CKMT2: variants seen among roughly 807,000 people sequenced by gnomAD.
CKMT2 encodes the protein creatine kinase, mitochondrial 2, also known as creatine kinase S-type, mitochondrial.
CKMT2 carries 43 observed loss-of-function variants against 48.9 expected under a neutral mutation model. That is an observed-to-expected ratio of 0.88 (90% CI 0.69 to 1.13). The LOEUF (loss-of-function observed/expected upper bound fraction) is 1.13. Ranked by LOEUF, CKMT2 falls within the 50% of genes most tolerant of loss-of-function variation. The pLI, the probability that CKMT2 is intolerant of heterozygous loss-of-function variation, is 0.00. For missense variants in CKMT2, 472 were observed against 555.4 expected (o/e 0.85, Z 1.51); for synonymous variants, 206 against 213.0 (o/e 0.97, Z 0.29).
chr5:81,245,910 C>A (rs1274946121), intron 1 of CKMT2, among the ~76,000 whole-genome samples: 1 of 152,194 alleles, frequency 6.6e-6, no homozygotes, highest in Non-Finnish European at 1.5e-5. Flanking sequence ...ACCCGCCCAA[C>A]TGTAGACCAG....
At position 81,252,748 on chromosome 5, in the gene CKMT2, C is replaced by T; in HGVS notation, c.206C>T (p.Thr69Ile). ...AACAACTGCATGGCCGAGTGCCTCA[C>T]CCCCGCCATTTATGCCAAGCTTCGC... ...KHNNCMAECL[T>I]PAIYAKLRNK... The change falls in exon 3 of 10, where the codon ACC (threonine) becomes ATC (isoleucine). Residue 69 changes from threonine (T) to isoleucine (I), a missense_variant. Transcript: ENST00000254035. The T allele has an allele frequency of 6.2e-7, 1 of 1,614,226 alleles. No homozygotes were observed. Among genetic ancestry groups the T allele is most frequent in the Non-Finnish European group, 8.5e-7 (1 of 1,180,040 alleles).
chr5:81,254,705 G>T, intron 4 of CKMT2: 1 of 596,514 alleles, frequency 1.7e-6, no homozygotes, highest in Non-Finnish European at 3.0e-6. Flanking sequence ...GGAAGGGTTG[G>T]TCATTGGGAA....
chr5:81,241,164 C>T (rs1227124896), intron 1 of CKMT2, among the ~76,000 whole-genome samples: 1 of 152,134 alleles, frequency 6.6e-6, no homozygotes, highest in Non-Finnish European at 1.5e-5. Flanking sequence ...CGTGGAATTC[C>T]CAGTGATTGT....
chr5:81,242,939 T>G (rs1201667049), intron 1 of CKMT2, among the ~76,000 whole-genome samples: 1 of 152,232 alleles, frequency 6.6e-6, no homozygotes, highest in Non-Finnish European at 1.5e-5. Context: ...CTACAGGGAA[T>G]CAAACATTTT....
chr5:81,263,596 G>C lies in CKMT2; in HGVS notation c.1120G>C (p.Asp374His). 1 of 1,612,190 alleles carries C rather than the reference G, an allele frequency of 6.2e-7. No individual in the cohort carries two copies. Reference sequence around the variant, plus strand: ...AGATGTGTACGACATTTCCAACATAGATAGAATTGGTCGATCAGAGGTAAC... The same window carrying C: ...AGATGTGTACGACATTTCCAACATACATAGAATTGGTCGATCAGAGGTAAC... The part of the protein sequence containing the change: ...VADVYDISNI[D>H]RIGRSEVELV... The change falls in exon 9 of 10, where the codon GAT (aspartate) becomes CAT (histidine). Residue 374 changes from aspartate (D) to histidine (H), a missense_variant. Asp to His is a moderately conservative substitution (Grantham distance 81). Coordinates refer to ENST00000254035, the MANE Select transcript of CKMT2 (RefSeq NM_001099735.2).
rs554233804 is a variant in CKMT2 at position 81,248,355 on chromosome 5, CT to C, written c.-20-2755del. 1.5e-3 allele frequency among the ~76,000 whole-genome samples: 223 copies of C among 152,334 alleles called. 4 individuals carry two copies. The highest frequency in any genetic ancestry group is 3.1e-3 in the South Asian group (15 of 4,822). On this transcript the variant is annotated intron_variant, in intron 1 of 9. Coordinates refer to ENST00000254035, the MANE Select transcript of CKMT2 (RefSeq NM_001099735.2). ...AAGAATCTGGGCAAAGCTTCTTTCA[CT>C]TTAGTGAGTTCTACAGTAAACCTCT...
Position 81,266,132 on chromosome 5 carries a change from GT to G in CKMT2, c.1141-6del. 2 of 1,611,468 alleles carry G rather than the reference GT, an allele frequency of 1.2e-6. No individual in the cohort carries two copies. Reference sequence around the variant, plus strand: ...AAATTAATCATTCATCTTCTTCACTGTCAAAGGTTGAGCTTGTTCAGATAGT... The same window carrying G: ...AAATTAATCATTCATCTTCTTCACTGCAAAGGTTGAGCTTGTTCAGATAGT... On this transcript the variant is annotated splice_region_variant and splice_polypyrimidine_tract_variant and intron_variant, in intron 9 of 9. Transcript: ENST00000254035.
intron 1 of CKMT2, among the ~76,000 whole-genome samples, chr5:81,248,034 C>T (rs1281541612): frequency 6.6e-6 from 1 of 152,160 alleles, no homozygotes; most frequent in Non-Finnish European, 1.5e-5. Flanking sequence ...ACACTTCAAA[C>T]ATTAATATTC....
intron 7 of CKMT2, among the ~76,000 whole-genome samples, 192 bp from the exon 8 acceptor site, chr5:81,258,928 T>TTTAAC (rs1452419422): frequency 6.6e-6 from 1 of 152,222 alleles, no homozygotes; most frequent in Admixed American, 6.5e-5. Context: ...ACATGGTTCA[T>TTTAAC]TTAACTTAAT....
intron 1 of CKMT2, among the ~76,000 whole-genome samples, chr5:81,246,028 G>A (rs761961681): frequency 6.6e-6 from 1 of 151,816 alleles, no homozygotes; most frequent in Non-Finnish European, 1.5e-5. Context: ...TCTCATCCTC[G>A]CTGACTCACC....
chr5:81,263,711 G>T, intron 9 of CKMT2, 95 bp downstream of exon 9: 1 of 1,204,430 alleles, frequency 8.3e-7, no homozygotes, highest in Non-Finnish European at 1.1e-6. Context: ...CACAAAATTC[G>T]AGACCTCCTC....
At chr5:81,261,530 A>G (rs1757224442) in intron 8 of CKMT2, among the ~76,000 whole-genome samples, 1 of 152,150 alleles carries the variant, frequency 6.6e-6, no homozygotes, top group Admixed American at 6.5e-5. Flanking sequence ...AATGTGCAAA[A>G]ATCACAAGCA....
rs977720325 is a variant in CKMT2, at chr5:81,251,046, T to C, written c.-20-67T>C. The C allele has an allele frequency of 7.3e-6, 9 of 1,238,548 alleles. 1 individual carries two copies. The South Asian group carries it at 8.2e-5, about 11-fold the overall frequency. 76.7% of individuals were successfully genotyped at this position (1,238,548 alleles called of 1,614,324 possible). ...ATGGCTCCTGCAGTTCTCTTGCCCA[T>C]TGACCCCTATGTTGTGGCTCAGGGT... On this transcript the variant is annotated intron_variant, in intron 1 of 9. Transcript: ENST00000254035.
chr5:81,251,450 T>A (rs1580445427), intron 2 of CKMT2, among the ~76,000 whole-genome samples, 166 bp downstream of exon 2: 1 of 152,078 alleles, frequency 6.6e-6, no homozygotes, highest in Non-Finnish European at 1.5e-5. Context: ...TAGCTAGGCA[T>A]AGTGGCACAT....
At chr5:81,257,144 G>A (rs1757040513) in intron 6 of CKMT2, 144 bp downstream of exon 6, 1 of 112,122 alleles carries the variant, frequency 8.9e-6, no homozygotes. Context: ...CTTGGAAAGT[G>A]TGTGTGTGTG....
Position 81,257,867 on chromosome 5 carries a change from A to G in CKMT2, c.879+11A>G, listed in dbSNP as rs1757072038. ...CGTGGACTAAAAGAAGTAAGATGTT[A>G]TCTGAGATTTCTGGATATTTATTAA... On this transcript the variant is annotated intron_variant, in intron 7 of 9. Transcript: ENST00000254035. 1.2e-6 allele frequency: 2 copies of G among 1,605,850 alleles called. No homozygotes were observed. The highest frequency in any genetic ancestry group is 1.7e-6 in the Non-Finnish European group (2 of 1,175,920).
At chr5:81,248,785 A>G (rs1396885677) in intron 1 of CKMT2, among the ~76,000 whole-genome samples, 1 of 152,218 alleles carries the variant, frequency 6.6e-6, no homozygotes, top group Non-Finnish European at 1.5e-5. Context: ...CCCTACTCAG[A>G]AGAGGCTTGA....
intron 8 of CKMT2, among the ~76,000 whole-genome samples, chr5:81,259,740 AC>A (rs1254348670): frequency 1.3e-5 from 2 of 152,158 alleles, no homozygotes; most frequent in Non-Finnish European, 2.9e-5. Context: ...CTTCTTAGAG[AC>A]CTACAATGAG....
Position 81,259,341 on chromosome 5 carries a change from T to C in CKMT2, c.1014+87T>C, listed in dbSNP as rs148287406. The C allele has an allele frequency of 5.0e-4, 592 of 1,191,402 alleles. 7 individuals carry two copies. The East Asian group carries it at 0.015, about 30-fold the overall frequency. 73.8% of individuals were successfully genotyped at this position (1,191,402 alleles called of 1,614,324 possible). On this transcript the variant is annotated intron_variant, in intron 8 of 9. Transcript: ENST00000254035. ...GGAGGAAGAAAACATCACTGCCCAT[T>C]CCTTAACCCTTACTTTCTCTATCTA...
Sources: gnomAD v4.1 joint callset for allele counts (sites outside exome capture counted in the v4.1 genomes callset) on GRCh38, gnomAD v4.1.1 for gene constraint, MANE v1.5 for transcripts, NCBI Gene and HGNC (gene_info 2026-07-23, HGNC 2026-07-21) for gene names.